DAAM1: variants seen among roughly 807,000 people sequenced by gnomAD.
DAAM1 encodes the protein dishevelled associated activator of morphogenesis 1.
A neutral mutation model predicts 130.0 loss-of-function variants in DAAM1; 52 were observed. That is an observed-to-expected ratio of 0.40 (90% CI 0.32 to 0.50). The LOEUF (loss-of-function observed/expected upper bound fraction) is 0.50, where lower values mean the gene tolerates loss of function less well. Ranked by LOEUF, DAAM1 falls within the 20% of genes least tolerant of loss-of-function variation. DAAM1 has a pLI of 0.61. For synonymous variants in DAAM1, 452 were observed against 444.5 expected (o/e 1.02, Z -0.21); for missense variants, 1,134 against 1,303.8 (o/e 0.87, Z 2.01).
At position 59,324,258 on chromosome 14, in the gene DAAM1, T is replaced by A. The variant is rs770931253; in HGVS notation, c.885+20T>A. 7.2e-7 allele frequency: 1 copy of A among 1,391,174 alleles called. No individual in the cohort carries two copies. 86.2% of individuals were successfully genotyped at this position (1,391,174 alleles called of 1,614,324 possible). A position where few individuals can be genotyped will look rare whatever the true frequency, so the allele number is the denominator to read the frequency against. ...GGAGTGGTAAGAACCTTCTACAAAT[T>A]AAAAATATATTAGTAAATAATAATT... On this transcript the variant is annotated intron_variant, in intron 7 of 24. Coordinates refer to ENST00000360909, the MANE Select transcript of DAAM1 (RefSeq NM_001270520.2).
At chr14:59,221,793 C>G (rs746546645) in intron 1 of DAAM1, among the ~76,000 whole-genome samples, 11 of 152,240 alleles carry the variant, frequency 7.2e-5, no homozygotes, top group Non-Finnish European at 1.6e-4. Flanking sequence ...CCTTAACTTG[C>G]ATTTCAATGG....
intron 3 of DAAM1, among the ~76,000 whole-genome samples, chr14:59,311,508 A>G (rs1884590501): frequency 6.6e-6 from 1 of 151,420 alleles, no homozygotes; most frequent in East Asian, 1.9e-4. Flanking sequence ...AAAATAGTGT[A>G]TGTTCTTGGT....
chr14:59,354,307 A>G (rs943614184), intron 19 of DAAM1, among the ~76,000 whole-genome samples: 5 of 152,096 alleles, frequency 3.3e-5, no homozygotes, highest in African/African-American at 7.2e-5. Context: ...TGATCTGCCC[A>G]CCTTGGCCTC....
At chr14:59,205,455 G>A (rs1256687618) in intron 1 of DAAM1, among the ~76,000 whole-genome samples, 4 of 152,150 alleles carry the variant, frequency 2.6e-5, no homozygotes, top group Non-Finnish European at 5.9e-5. Flanking sequence ...TGAGATCTTT[G>A]ACCTGAGTGT....
intron 1 of DAAM1, among the ~76,000 whole-genome samples, chr14:59,226,220 T>C (rs969054540): frequency 5.9e-5 from 9 of 152,206 alleles, no homozygotes; most frequent in African/African-American, 2.2e-4. Context: ...ACTTCCTTAG[T>C]ATATTGCTCT....
At chr14:59,338,134 C>T (rs1885699074) in intron 15 of DAAM1, among the ~76,000 whole-genome samples, 2 of 152,124 alleles carry the variant, frequency 1.3e-5, no homozygotes, top group African/African-American at 4.8e-5. Flanking sequence ...TGATTTTCCA[C>T]CATTGAAAAT....
chr14:59,304,928 T>C (rs947317596), intron 3 of DAAM1, among the ~76,000 whole-genome samples: 20 of 152,364 alleles, frequency 1.3e-4, no homozygotes, highest in South Asian at 6.2e-4. Flanking sequence ...TCTCTTGTTA[T>C]AGCCTTGTGT....
intron 16 of DAAM1, among the ~76,000 whole-genome samples, chr14:59,344,107 C>A (rs1357547559): frequency 6.6e-6 from 1 of 152,128 alleles, no homozygotes; most frequent in South Asian, 2.1e-4. Context: ...GCAAAATGAA[C>A]CCACCTGAAA....
At chr14:59,303,905 T>G (rs751496114) in intron 3 of DAAM1, among the ~76,000 whole-genome samples, 1 of 151,898 alleles carries the variant, frequency 6.6e-6, no homozygotes, top group Non-Finnish European at 1.5e-5. Flanking sequence ...GTCTCAAAAA[T>G]AAAATAAATA....
At chr14:59,308,948 T>C (rs985596532) in intron 3 of DAAM1, among the ~76,000 whole-genome samples, 9 of 152,142 alleles carry the variant, frequency 5.9e-5, no homozygotes, top group Non-Finnish European at 1.2e-4. Flanking sequence ...TGATATATAA[T>C]TGTGGCAGTG....
intron 1 of DAAM1, among the ~76,000 whole-genome samples, chr14:59,191,237 A>G (rs1204147927): frequency 6.6e-6 from 1 of 152,150 alleles, no homozygotes; most frequent in African/African-American, 2.4e-5. Context: ...TTAAGTAGGT[A>G]GCTACATCCC....
chr14:59,346,656 A>G (rs1186051979), intron 16 of DAAM1, among the ~76,000 whole-genome samples: 1 of 152,102 alleles, frequency 6.6e-6, no homozygotes, highest in Admixed American at 6.5e-5. Context: ...CAAAGGAGTG[A>G]GTCTCTTGTT....
chr14:59,230,601 A>G (rs1889075098), intron 1 of DAAM1, among the ~76,000 whole-genome samples: 1 of 152,056 alleles, frequency 6.6e-6, no homozygotes, highest in African/African-American at 2.4e-5. Flanking sequence ...TGGGAAGGGT[A>G]GTGGGGGGCT....
chr14:59,293,291 A>G (rs1830483578), intron 3 of DAAM1, among the ~76,000 whole-genome samples: 1 of 152,226 alleles, frequency 6.6e-6, no homozygotes, highest in African/African-American at 2.4e-5. Context: ...AAAGTTAATC[A>G]TGGAAACTAC....
At chr14:59,334,356 C>A (rs1292480674) in intron 15 of DAAM1, among the ~76,000 whole-genome samples, 2 of 152,142 alleles carry the variant, frequency 1.3e-5, no homozygotes, top group African/African-American at 2.4e-5. Flanking sequence ...TCAGTCTTGG[C>A]AGTGCATTAT....
intron 1 of DAAM1, among the ~76,000 whole-genome samples, chr14:59,198,112 A>G (rs961229655): frequency 1.3e-5 from 2 of 151,844 alleles, no homozygotes; most frequent in Non-Finnish European, 2.9e-5. Flanking sequence ...AATTCCTCCA[A>G]CAGAAATCAT....
intron 3 of DAAM1, 142 bp from the exon 4 acceptor site, chr14:59,315,138 A>G (rs1884736903): frequency 1.3e-6 from 1 of 789,784 alleles, no homozygotes. Flanking sequence ...TATAGCCAAC[A>G]TTTAAAAATA....
At chr14:59,338,535 T>C in intron 15 of DAAM1, 1 of 1,033,974 alleles carries the variant, frequency 9.7e-7, no homozygotes, top group Non-Finnish European at 1.4e-6. Flanking sequence ...TGTAATCTAA[T>C]GCCTAGGTAA....
intron 2 of DAAM1, among the ~76,000 whole-genome samples, chr14:59,280,329 G>C (rs533258226): frequency 6.6e-6 from 1 of 152,228 alleles, no homozygotes; most frequent in African/African-American, 2.4e-5. Flanking sequence ...CAGCACTTTG[G>C]GAGGCTGAGG....
Sources: allele counts gnomAD v4.1 joint callset (sites outside exome capture counted in the v4.1 genomes callset), GRCh38; gene constraint gnomAD v4.1.1; transcripts MANE v1.5; gene names NCBI Gene and HGNC (gene_info 2026-07-23, HGNC 2026-07-21).